The following UCK2 variants were observed in gnomAD, a reference collection of about 807,000 sequenced individuals.
UCK2 encodes cytidine monophosphokinase 2.
A neutral mutation model predicts 30.8 loss-of-function variants in UCK2; 6 were observed. The observed-to-expected ratio is 0.19, with a 90% CI of 0.11 to 0.38. UCK2 has a LOEUF of 0.38. Ranked by LOEUF, UCK2 falls within the 10% of genes least tolerant of loss-of-function variation. The pLI is 1.00. For synonymous variants in UCK2, 125 were observed against 133.6 expected (o/e 0.94, Z 0.45); for missense variants, 210 against 339.8 (o/e 0.62, Z 3.00).
intron 1 of UCK2, among the ~76,000 whole-genome samples, chr1:165,847,311 GAAA>G (rs1322353584): frequency 6.6e-6 from 1 of 152,000 alleles, no homozygotes; most frequent in East Asian, 1.9e-4. Flanking sequence ...AAATAATTCA[GAAA>G]AGGCAATTGA....
At chr1:165,842,487 C>A (rs1303546891) in intron 1 of UCK2, among the ~76,000 whole-genome samples, 1 of 152,180 alleles carries the variant, frequency 6.6e-6, no homozygotes, top group Non-Finnish European at 1.5e-5. Flanking sequence ...CACAGATGTA[C>A]AAGACAGAAA....
In UCK2 at chr1:165,903,295, G is replaced by C; in HGVS notation, c.597+16G>C. Reference sequence around the variant, plus strand: ...CTGCTTGCCAGTGAGTTGTGTTCTTGGTTTGTTTTTGTTGAATGTAGAATT... The same window carrying C: ...CTGCTTGCCAGTGAGTTGTGTTCTTCGTTTGTTTTTGTTGAATGTAGAATT... On this transcript the variant is annotated intron_variant, in intron 5 of 6. Transcript: ENST00000367879. The C allele has an allele frequency of 6.2e-7, 1 of 1,609,388 alleles. No homozygotes were observed. Among genetic ancestry groups the C allele is most frequent in the Non-Finnish European group, 8.5e-7 (1 of 1,177,470 alleles).
chr1:165,864,120 G>A (rs1323426403), intron 1 of UCK2, among the ~76,000 whole-genome samples: 1 of 152,080 alleles, frequency 6.6e-6, no homozygotes, highest in African/African-American at 2.4e-5. Flanking sequence ...GCTAATTTTT[G>A]TATTTTTAGT....
In UCK2 at chr1:165,896,261, A is replaced by C; in HGVS notation, c.428A>C (p.Gln143Pro). The change falls in exon 4 of 7, where the codon CAG becomes CCG. Residue 143 changes from glutamine to proline, a missense_variant. Coordinates refer to ENST00000367879, the MANE Select transcript of UCK2 (RefSeq NM_012474.5). Reference protein sequence around the residue: ...LFEGILAFYSQEVRDLFQMKL... With the variant: ...LFEGILAFYSPEVRDLFQMKL... ...GAAGGGATCCTGGCCTTCTACTCCC[A>C]GGAGGTACGAGACCTGTTCCAGATG... is the stretch of plus-strand genomic sequence containing the variant. 6 of 1,614,232 alleles carry C rather than the reference A, an allele frequency of 3.7e-6. No individual in the cohort carries two copies. Among genetic ancestry groups the C allele is most frequent in the Non-Finnish European group, 5.1e-6 (6 of 1,180,034 alleles).
At chr1:165,905,164 A>G (rs1039218533) in intron 5 of UCK2, among the ~76,000 whole-genome samples, 1 of 152,232 alleles carries the variant, frequency 6.6e-6, no homozygotes, top group Non-Finnish European at 1.5e-5. Context: ...CATAGGTCAT[A>G]AGCTGAAACA....
intron 1 of UCK2, among the ~76,000 whole-genome samples, chr1:165,877,912 A>G (rs1655379278): frequency 6.6e-6 from 1 of 151,804 alleles, no homozygotes; most frequent in African/African-American, 2.4e-5. Flanking sequence ...CACATGCACA[A>G]CCTCCCCTAT....
At chr1:165,850,096 T>C (rs1361589932) in intron 1 of UCK2, among the ~76,000 whole-genome samples, 1 of 152,210 alleles carries the variant, frequency 6.6e-6, no homozygotes, top group Non-Finnish European at 1.5e-5. Flanking sequence ...GAGACTGAAT[T>C]AAACAGCCTT....
At chr1:165,842,623 A>G (rs752491828) in intron 1 of UCK2, among the ~76,000 whole-genome samples, 1 of 151,962 alleles carries the variant, frequency 6.6e-6, no homozygotes, top group Non-Finnish European at 1.5e-5. Context: ...CCACATCCAT[A>G]TTTCTTGCCT....
chr1:165,839,773 T>C (rs78246192), intron 1 of UCK2, among the ~76,000 whole-genome samples: 4,177 of 152,260 alleles, frequency 0.027, 195 homozygotes, highest in African/African-American at 0.095. Context: ...GGAGATGATG[T>C]CTGGTTTGGA....
intron 4 of UCK2, 35 bp from the exon 5 acceptor site, chr1:165,903,147 C>T (rs1397441372): frequency 1.9e-6 from 3 of 1,585,374 alleles, no homozygotes; most frequent in South Asian, 2.2e-5. Context: ...GGCTCCTACA[C>T]CGTTTTTTGA....
intron 3 of UCK2, chr1:165,892,268 A>G (rs1037986826): frequency 1.3e-5 from 2 of 151,626 alleles, no homozygotes; most frequent in South Asian, 2.1e-4. Flanking sequence ...ACTGCAGATC[A>G]TGGAGGAATG....
At chr1:165,853,041 G>A (rs1217557345) in intron 1 of UCK2, among the ~76,000 whole-genome samples, 1 of 151,018 alleles carries the variant, frequency 6.6e-6, no homozygotes, top group Non-Finnish European at 1.5e-5. Flanking sequence ...TGAATATCAA[G>A]GCCTGATCCT....
intron 1 of UCK2, among the ~76,000 whole-genome samples, chr1:165,833,014 C>T (rs1654090696): frequency 6.6e-6 from 1 of 152,128 alleles, no homozygotes; most frequent in East Asian, 1.9e-4. Flanking sequence ...GATGCTGTCC[C>T]CTCTGAGGTG....
chr1:165,834,343 A>C (rs1654129652), intron 1 of UCK2, among the ~76,000 whole-genome samples: 1 of 152,194 alleles, frequency 6.6e-6, no homozygotes, highest in Admixed American at 6.5e-5. Flanking sequence ...TTCATCCTGT[A>C]GTCCCAGCTA....
At chr1:165,885,854 TAGAA>T (rs1655601977) in intron 1 of UCK2, among the ~76,000 whole-genome samples, 1 of 152,198 alleles carries the variant, frequency 6.6e-6, no homozygotes, top group African/African-American at 2.4e-5. Flanking sequence ...ACCTAGCATA[TAGAA>T]AGAAATGGGG....
rs529854771 is a variant in UCK2, at chr1:165,863,806, G to C, written c.100-26398G>C. Among the ~76,000 whole-genome samples the C allele has an allele frequency of 9.2e-5, 14 of 152,282 alleles. No homozygotes were observed. In the South Asian group the frequency reaches 2.5e-3, roughly 27 times the overall value. On this transcript the variant is annotated intron_variant, in intron 1 of 6. Coordinates refer to ENST00000367879, the MANE Select transcript of UCK2 (RefSeq NM_012474.5). ...GGAGGTCATCTAGTGGTTTCTGATG[G>C]AGAGTTTACAGACTGATTTGGTTTG...
At chr1:165,857,242 G>T (rs1299395718) in intron 1 of UCK2, among the ~76,000 whole-genome samples, 1 of 152,100 alleles carries the variant, frequency 6.6e-6, no homozygotes, top group Non-Finnish European at 1.5e-5. Context: ...TTTTCTCTTT[G>T]AATCATGCTT....
Position 165,907,848 on chromosome 1 carries a change from C to T in UCK2, c.*25C>T, listed in dbSNP as rs767041810. Reference sequence around the variant, plus strand: ...ACCCGTCTCCATCGGACCCCAGCCCCTATCTCCAAGAGACAGAGGAGGGGT... The same window carrying T: ...ACCCGTCTCCATCGGACCCCAGCCCTTATCTCCAAGAGACAGAGGAGGGGT... On this transcript the variant is annotated 3_prime_UTR_variant, in exon 7 of 7. Transcript: ENST00000367879. 6.2e-7 allele frequency: 1 copy of T among 1,612,240 alleles called. No individual in the cohort carries two copies. The highest frequency in any genetic ancestry group is 8.5e-7 in the Non-Finnish European group (1 of 1,179,012).
chr1:165,886,894 T>C (rs897766672), intron 1 of UCK2, among the ~76,000 whole-genome samples: 2 of 152,224 alleles, frequency 1.3e-5, no homozygotes, highest in African/African-American at 4.8e-5. Context: ...CCGGATTTTT[T>C]AGGGCCCATT....
Sources: allele counts gnomAD v4.1 joint callset (sites outside exome capture counted in the v4.1 genomes callset), GRCh38; gene constraint gnomAD v4.1.1; transcripts MANE v1.5; gene names NCBI Gene and HGNC (gene_info 2026-07-23, HGNC 2026-07-21).